GHR: variants seen among roughly 807,000 people sequenced by gnomAD.
GHR encodes growth hormone receptor, also known as GH receptor.
A neutral mutation model predicts 67.1 loss-of-function variants in GHR; 35 were observed. The observed-to-expected ratio is 0.52, with a 90% CI of 0.40 to 0.69. The LOEUF (loss-of-function observed/expected upper bound fraction) is 0.69, where lower values mean the gene tolerates loss of function less well. Among genes scored for constraint, GHR ranks in the 30% least tolerant of loss-of-function variants. The pLI is 0.00. For missense variants in GHR, 792 were observed against 764.6 expected (o/e 1.04, Z -0.42); for synonymous variants, 272 against 269.1 (o/e 1.01, Z -0.10).
intron 1 of GHR, among the ~76,000 whole-genome samples, chr5:42,561,746 T>G (rs144618778): frequency 1.0e-3 from 157 of 152,324 alleles, no homozygotes; most frequent in African/African-American, 3.8e-3. Flanking sequence ...TTTTAATCCC[T>G]CCTGCTGAAA....
intron 2 of GHR, among the ~76,000 whole-genome samples, chr5:42,598,693 A>C (rs892036882): frequency 1.3e-5 from 2 of 152,228 alleles, no homozygotes; most frequent in Non-Finnish European, 2.9e-5. Context: ...AGTGTGCATA[A>C]ATGGCTATGA....
chr5:42,523,096 A>G (rs550069831), intron 1 of GHR, among the ~76,000 whole-genome samples: 39 of 152,346 alleles, frequency 2.6e-4, no homozygotes, highest in African/African-American at 7.2e-4. Context: ...ATTACAACCA[A>G]ATCACACACT....
intron 3 of GHR, among the ~76,000 whole-genome samples, chr5:42,633,463 A>G (rs570691310): frequency 5.3e-5 from 8 of 152,330 alleles, no homozygotes; most frequent in African/African-American, 1.9e-4. Context: ...ACTTCAATAA[A>G]AACTTTTGCA....
chr5:42,719,568 G>A lies in GHR; in HGVS notation c.*144G>A, dbSNP rs1279916134. Reference sequence around the variant, plus strand: ...ATTCTAAAATGCCTTTTCCCAAAATGTTGAAATATGATGTTAAAAAAATAA... The same window carrying A: ...ATTCTAAAATGCCTTTTCCCAAAATATTGAAATATGATGTTAAAAAAATAA... On this transcript the variant is annotated 3_prime_UTR_variant, in exon 10 of 10. Coordinates refer to ENST00000230882, the MANE Select transcript of GHR (RefSeq NM_000163.5). 1 of 758,278 alleles carries A rather than the reference G, an allele frequency of 1.3e-6. No individual in the cohort carries two copies. The highest frequency in any genetic ancestry group is 2.3e-6 in the Non-Finnish European group (1 of 426,284). The allele number at this position is 758,278 out of a possible 1,614,324, so 47.0% of individuals were successfully genotyped here. A position where few individuals can be genotyped will look rare whatever the true frequency, so the allele number is the denominator to read the frequency against.
chr5:42,549,725 A>G (rs565410554), intron 1 of GHR: 1 of 910,458 alleles, frequency 1.1e-6, no homozygotes, highest in Admixed American at 6.2e-5. Context: ...CAGATCACAC[A>G]TGGCTGGATG....
At chr5:42,632,707 G>A (rs1040424710) in intron 3 of GHR, among the ~76,000 whole-genome samples, 1 of 133,064 alleles carries the variant, frequency 7.5e-6, no homozygotes, top group Non-Finnish European at 1.6e-5. Flanking sequence ...GTTCACATAC[G>A]TGGTAGCAGC....
At chr5:42,589,708 A>T (rs941433535) in intron 2 of GHR, among the ~76,000 whole-genome samples, 2 of 152,214 alleles carry the variant, frequency 1.3e-5, no homozygotes, top group African/African-American at 4.8e-5. Flanking sequence ...GCAACATATA[A>T]GAGGATTGAC....
At chr5:42,550,697 A>T (rs116352875) in intron 1 of GHR, among the ~76,000 whole-genome samples, 1,933 of 152,034 alleles carry the variant, frequency 0.013, 37 homozygotes, top group African/African-American at 0.045. Flanking sequence ...TTGAATGGGG[A>T]TGCTGAGGAG....
At chr5:42,533,745 G>T (rs549081904) in intron 1 of GHR, among the ~76,000 whole-genome samples, 5 of 151,032 alleles carry the variant, frequency 3.3e-5, no homozygotes, top group African/African-American at 1.2e-4. Context: ...GGTTACTTTA[G>T]TGGTGATTTG....
At chr5:42,599,091 C>T (rs573851156) in intron 2 of GHR, among the ~76,000 whole-genome samples, 71 of 152,278 alleles carry the variant, frequency 4.7e-4, no homozygotes, top group Non-Finnish European at 9.0e-4. Context: ...ATATTGGGCT[C>T]TTTACATGAC....
chr5:42,610,488 A>G (rs1366426602), intron 2 of GHR, among the ~76,000 whole-genome samples: 2 of 152,142 alleles, frequency 1.3e-5, no homozygotes, highest in African/African-American at 4.8e-5. Flanking sequence ...GATTCTGGGA[A>G]TGCAGGGTTT....
chr5:42,718,316 C>A, intron 9 of GHR, 137 bp from the exon 10 acceptor site: 1 of 747,414 alleles, frequency 1.3e-6, no homozygotes, highest in Non-Finnish European at 2.2e-6. Flanking sequence ...AAGTTACACA[C>A]TAATTTATGT....
intron 1 of GHR, among the ~76,000 whole-genome samples, chr5:42,428,118 G>T (rs137939424): frequency 5.1e-4 from 77 of 152,334 alleles, no homozygotes; most frequent in African/African-American, 1.8e-3. Flanking sequence ...TGAGGGCTCT[G>T]CCCCTGCAGG....
At chr5:42,520,214 A>C (rs1048523923) in intron 1 of GHR, among the ~76,000 whole-genome samples, 1 of 152,170 alleles carries the variant, frequency 6.6e-6, no homozygotes, top group African/African-American at 2.4e-5. Context: ...CAGTTTCTGC[A>C]GGAAGTCACA....
At chr5:42,521,367 G>T (rs1747466716) in intron 1 of GHR, among the ~76,000 whole-genome samples, 1 of 152,172 alleles carries the variant, frequency 6.6e-6, no homozygotes, top group African/African-American at 2.4e-5. Context: ...TGGCATCTCA[G>T]ATATAGTCTT....
rs187204509 is a variant in GHR at position 42,668,801 on chromosome 5, G to T, written c.137-20089G>T. On this transcript the variant is annotated intron_variant, in intron 3 of 9. Coordinates refer to ENST00000230882, the MANE Select transcript of GHR (RefSeq NM_000163.5). ...ATGCCAATGCTCCTCAGCTTATGAG[G>T]TTACATCCCAATAAGCCTGTTGTAA... 8.5e-4 allele frequency among the ~76,000 whole-genome samples: 130 copies of T among 152,166 alleles called. 1 individual carries two copies. The highest frequency in any genetic ancestry group is 1.5e-3 in the Non-Finnish European group (103 of 68,018).
chr5:42,547,817 A>G (rs1490590523), intron 1 of GHR, among the ~76,000 whole-genome samples: 1 of 149,694 alleles, frequency 6.7e-6, no homozygotes, highest in Non-Finnish European at 1.5e-5. Flanking sequence ...TGAGCAATGA[A>G]ATTTTAGAAT....
chr5:42,457,485 T>G (rs528246016), intron 1 of GHR, among the ~76,000 whole-genome samples: 2 of 152,332 alleles, frequency 1.3e-5, no homozygotes, highest in Admixed American at 1.3e-4. Context: ...TCCACACAAT[T>G]ATCCTATGAA....
rs974928069 is a variant in GHR, at chr5:42,431,256, C to T, written c.-12+7301C>T. 9.2e-5 allele frequency among the ~76,000 whole-genome samples: 14 copies of T among 152,288 alleles called. No homozygotes were observed. In the East Asian group the frequency reaches 2.5e-3, roughly 27 times the overall value. On this transcript the variant is annotated intron_variant, in intron 1 of 9. Transcript: ENST00000230882. ...GCTTTCATTCTAAAACAATGCAACTCATCACTATCTGATGCAGAAAGTCTT... is the reference window on the plus strand; with the variant it reads ...GCTTTCATTCTAAAACAATGCAACTTATCACTATCTGATGCAGAAAGTCTT...
Sources: gnomAD v4.1 joint callset for allele counts (sites outside exome capture counted in the v4.1 genomes callset) on GRCh38, gnomAD v4.1.1 for gene constraint, MANE v1.5 for transcripts, NCBI Gene and HGNC (gene_info 2026-07-23, HGNC 2026-07-21) for gene names.